Variants in EYA1 observed in about 807,000 individuals in gnomAD.
The protein encoded by EYA1 is protein phosphatase EYA1.
Under a neutral mutation model 82.0 loss-of-function variants are expected in EYA1, and 16 were observed. The observed-to-expected ratio is 0.20, with a 90% confidence interval of 0.13 to 0.30. EYA1 has a LOEUF of 0.30. Among genes scored for constraint, EYA1 ranks in the 10% least tolerant of loss-of-function variants. The pLI is 1.00. For synonymous variants in EYA1, 261 were observed against 264.4 expected, an observed-to-expected ratio of 0.99 and a Z score of 0.12; for missense variants, 633 against 730.7, an observed-to-expected ratio of 0.87 and a Z score of 1.54.
At chr8:71,216,920 A>G in intron 13 of EYA1, 45 bp downstream of exon 13, 4 of 1,611,614 alleles carry the variant, frequency 2.5e-6, no homozygotes, top group Non-Finnish European at 3.4e-6. Flanking sequence ...GTAAGTAATT[A>G]AACTATAAAA....
At chr8:71,484,372 T>A (rs1334398913) in intron 2 of EYA1, among the ~76,000 whole-genome samples, 4 of 152,192 alleles carry the variant, frequency 2.6e-5, no homozygotes, top group Non-Finnish European at 4.4e-5. Context: ...AGGGAAAGTA[T>A]ACACAAATTC....
At chr8:71,463,575 TTCTCTCTCTC>T (rs776367934) in intron 2 of EYA1, among the ~76,000 whole-genome samples, 718 of 41,094 alleles carry the variant, frequency 0.017, 8 homozygotes, top group Middle Eastern at 0.022. Context: ...AATACATGCT[TTCTCTCTCTC>T]TCTCTCTCTC....
At chr8:71,237,018 A>G (rs1049834819) in intron 12 of EYA1, among the ~76,000 whole-genome samples, 1 of 150,118 alleles carries the variant, frequency 6.7e-6, no homozygotes, top group Non-Finnish European at 1.5e-5. Flanking sequence ...ACCTTTGCCT[A>G]TTTCATGTGC....
rs144771555 is a variant in EYA1, at chr8:71,521,116, A to T, written c.33+14628T>A. Among the ~76,000 whole-genome samples the T allele has an allele frequency of 1.4e-3, 211 of 152,252 alleles. 2 individuals carry two copies. In the East Asian group the frequency reaches 0.039, roughly 28 times the overall value. ...TTCTAATTCAAATTAAGCCAGCATT[A>T]CTTAGAATTGAATCAAAGAGAATAT... is the stretch of plus-strand genomic sequence containing the variant. On this transcript the variant is annotated intron_variant, in intron 2 of 18. Coordinates refer to the EYA1 transcript ENST00000643681.
intron 2 of EYA1, among the ~76,000 whole-genome samples, chr8:71,394,706 A>G (rs1586621483): frequency 6.6e-6 from 1 of 152,166 alleles, no homozygotes; most frequent in Non-Finnish European, 1.5e-5. Flanking sequence ...CTTGTAGTAT[A>G]GTTTCAAGTC....
At chr8:71,375,520 A>C (rs770365991) in intron 2 of EYA1, among the ~76,000 whole-genome samples, 2 of 152,188 alleles carry the variant, frequency 1.3e-5, no homozygotes, top group Non-Finnish European at 2.9e-5. Context: ...TAAAACATGA[A>C]AGATCAATAA....
At position 71,215,713 on chromosome 8, in the gene EYA1, G is replaced by C. The variant is rs1428992631; in HGVS notation, c.1376C>G (p.Ala459Gly). The C allele has an allele frequency of 1.9e-5, 31 of 1,613,212 alleles. No individual in the cohort carries two copies. Among genetic ancestry groups the C allele is most frequent in the Non-Finnish European group, 2.5e-5 (30 of 1,179,342 alleles). Residue 459 changes from alanine (A) to glycine (G), a missense_variant, in exon 15 of 18, where the codon GCT becomes GGT. Transcript: ENST00000340726. ...CAACTGCAGCCAGGCTTCCCTCTTAGCTGGACCAAGCAGACCTGAGGATTT... is the reference window on the plus strand; with the variant it reads ...CAACTGCAGCCAGGCTTCCCTCTTACCTGGACCAAGCAGACCTGAGGATTT... ...KNNVGGLLGP[A>G]KREAWLQLRA...
intron 2 of EYA1, among the ~76,000 whole-genome samples, chr8:71,370,707 G>C (rs534149385): frequency 6.6e-6 from 1 of 151,996 alleles, no homozygotes; most frequent in Non-Finnish European, 1.5e-5. Flanking sequence ...CTGCATCCTT[G>C]ACTTGGCAGG....
intron 11 of EYA1, among the ~76,000 whole-genome samples, chr8:71,254,242 C>A (rs1181715517): frequency 4.5e-5 from 3 of 67,392 alleles, no homozygotes; most frequent in Admixed American, 1.7e-4. Context: ...AAAGTCTTGG[C>A]CAAAAAAAAA....
chr8:71,492,951 T>C (rs1811130856), intron 2 of EYA1, among the ~76,000 whole-genome samples: 1 of 152,184 alleles, frequency 6.6e-6, no homozygotes, highest in African/African-American at 2.4e-5. Context: ...TGTGTGTTGT[T>C]CCTCTTTGTG....
chr8:71,255,906 T>C (rs1480040876), intron 11 of EYA1, among the ~76,000 whole-genome samples: 2 of 152,036 alleles, frequency 1.3e-5, no homozygotes, highest in Non-Finnish European at 2.9e-5. Flanking sequence ...GGGAAAAGGA[T>C]CATCTCTAAA....
At chr8:71,450,623 G>GTTTC (rs1807283523) in intron 2 of EYA1, among the ~76,000 whole-genome samples, 3 of 152,164 alleles carry the variant, frequency 2.0e-5, no homozygotes, top group Non-Finnish European at 4.4e-5. Flanking sequence ...AACACAAAGG[G>GTTTC]AGCATGTGCT....
chr8:71,322,389 T>C (rs1262246582), intron 4 of EYA1, 121 bp from the exon 5 acceptor site: 3 of 820,946 alleles, frequency 3.7e-6, no homozygotes, highest in Admixed American at 3.9e-5. Context: ...ATATTTGGTC[T>C]TTGTGACCTG....
intron 4 of EYA1, among the ~76,000 whole-genome samples, chr8:71,325,749 T>A (rs1053870757): frequency 5.9e-5 from 9 of 152,248 alleles, no homozygotes; most frequent in African/African-American, 2.2e-4. Context: ...TTAAAATTAC[T>A]GAATGTGTCA....
At chr8:71,504,732 A>C (rs143478698) in intron 2 of EYA1, among the ~76,000 whole-genome samples, 183 of 152,284 alleles carry the variant, frequency 1.2e-3, no homozygotes, top group African/African-American at 4.2e-3. Flanking sequence ...TTAAAAAAAA[A>C]TCATCCTGTA....
chr8:71,249,333 A>G (rs750099753), intron 11 of EYA1, among the ~76,000 whole-genome samples: 3 of 152,130 alleles, frequency 2.0e-5, no homozygotes, highest in Non-Finnish European at 4.4e-5. Context: ...AAGAGGTTTA[A>G]CTGACTCACA....
intron 6 of EYA1, among the ~76,000 whole-genome samples, chr8:71,320,509 T>C (rs1382090366): frequency 2.0e-5 from 3 of 152,140 alleles, no homozygotes. Flanking sequence ...CTAATATTAT[T>C]ATGAGAAACT....
At chr8:71,489,076 A>G (rs187974492) in intron 2 of EYA1, among the ~76,000 whole-genome samples, 2 of 152,342 alleles carry the variant, frequency 1.3e-5, no homozygotes, top group South Asian at 4.1e-4. Flanking sequence ...TCACGCCAGG[A>G]AAGCTGTTTC....
chr8:71,455,205 G>C (rs1209011063), intron 2 of EYA1, among the ~76,000 whole-genome samples: 3 of 152,112 alleles, frequency 2.0e-5, no homozygotes, highest in Non-Finnish European at 4.4e-5. Flanking sequence ...GACTACACCA[G>C]GAAGAAGTTG....
Sources: gnomAD v4.1 joint callset for allele counts (sites outside exome capture counted in the v4.1 genomes callset) on GRCh38, gnomAD v4.1.1 for gene constraint, MANE v1.5 for transcripts, NCBI Gene and HGNC (gene_info 2026-07-23, HGNC 2026-07-21) for gene names.